BACH2: variants seen among roughly 807,000 people sequenced by gnomAD.
BACH2 encodes the protein BACH transcriptional regulator 2, also known as transcription regulator protein BACH2.
BACH2 carries 5 observed loss-of-function variants against 61.8 expected under a neutral mutation model. The observed-to-expected ratio is 0.08, with a 90% CI of 0.04 to 0.17. BACH2 has a LOEUF of 0.17. Ranked by LOEUF, BACH2 falls within the 10% of genes least tolerant of loss-of-function variation. The probability of loss-of-function intolerance (pLI) is 1.00; values close to 1 mark genes in which losing one functional copy is unlikely to be tolerated. For synonymous variants in BACH2, 446 were observed against 440.1 expected (o/e 1.01, Z -0.17); for missense variants, 824 against 1,091.1 (o/e 0.76, Z 3.45).
rs1283077547 is a variant in BACH2 at position 90,296,486 on chromosome 6, G to A, written c.-452C>T. 2 of 151,164 alleles carry A rather than the reference G, an allele frequency of 1.3e-5. No individual in the cohort carries two copies. Among genetic ancestry groups the A allele is most frequent in the East Asian group, 3.9e-4 (2 of 5,102 alleles). The allele number at this position is 151,164 out of a possible 1,614,324, so 9.4% of individuals were successfully genotyped here. On this transcript the variant is annotated 5_prime_UTR_variant, in exon 1 of 9. Coordinates refer to ENST00000257749, the MANE Select transcript of BACH2 (RefSeq NM_021813.4). ...CCCGGGGCCCGGGACTCACCTCGCC[G>A]GAGAACTTTGCGTCCTTTTCCGCCT...
intron 1 of BACH2, among the ~76,000 whole-genome samples, chr6:90,275,643 C>T (rs1771666970): frequency 6.6e-6 from 1 of 151,290 alleles, no homozygotes; most frequent in Non-Finnish European, 1.5e-5. Flanking sequence ...TTCTGCTCTT[C>T]CCCCTCCTCC....
At chr6:89,945,167 G>T (rs899343672) in intron 7 of BACH2, among the ~76,000 whole-genome samples, 1 of 152,124 alleles carries the variant, frequency 6.6e-6, no homozygotes, top group Non-Finnish European at 1.5e-5. Flanking sequence ...CCACTCCTAG[G>T]AATATTATGG....
At chr6:90,269,197 C>T (rs757307923) in intron 2 of BACH2, among the ~76,000 whole-genome samples, 1 of 151,934 alleles carries the variant, frequency 6.6e-6, no homozygotes, top group Non-Finnish European at 1.5e-5. Flanking sequence ...CTGACTACTC[C>T]GTGCAGATTC....
chr6:90,051,160 T>G (rs1243532392), intron 5 of BACH2, among the ~76,000 whole-genome samples: 2 of 152,220 alleles, frequency 1.3e-5, no homozygotes, highest in Non-Finnish European at 1.5e-5. Context: ...ATTTAGGTCT[T>G]GCATAAGTTC....
chr6:90,114,662 C>A (rs912763026), intron 4 of BACH2, among the ~76,000 whole-genome samples: 3 of 152,086 alleles, frequency 2.0e-5, no homozygotes, highest in African/African-American at 7.2e-5. Context: ...GAATTCCTAG[C>A]CAGCTCAATC....
intron 3 of BACH2, among the ~76,000 whole-genome samples, chr6:90,238,097 TTGTCCCTTAGCCAAATACATTCA>T (rs1168946633): frequency 6.6e-6 from 1 of 152,232 alleles, no homozygotes; most frequent in East Asian, 1.9e-4. Flanking sequence ...AACAATAGGC[TTGTCCCTTAGCCAAATACATTCA>T]TGTCTAAGAA....
At chr6:90,175,850 C>A (rs1767967140) in intron 4 of BACH2, among the ~76,000 whole-genome samples, 1 of 152,168 alleles carries the variant, frequency 6.6e-6, no homozygotes, top group Non-Finnish European at 1.5e-5. Flanking sequence ...CCTCCTCTAT[C>A]TGGCCCTCAG....
intron 1 of BACH2, among the ~76,000 whole-genome samples, chr6:90,294,339 T>C (rs1290059973): frequency 6.6e-6 from 1 of 152,222 alleles, no homozygotes; most frequent in East Asian, 1.9e-4. Context: ...AAAAATACTT[T>C]ATTCCATGGT....
intron 4 of BACH2, among the ~76,000 whole-genome samples, chr6:90,128,814 A>G (rs1203760385): frequency 6.6e-6 from 1 of 152,186 alleles, no homozygotes; most frequent in African/African-American, 2.4e-5. Flanking sequence ...AACCAACCCA[A>G]ATGTCCAACA....
At chr6:90,166,763 G>A (rs900263975) in intron 4 of BACH2, among the ~76,000 whole-genome samples, 19 of 152,106 alleles carry the variant, frequency 1.2e-4, no homozygotes, top group Non-Finnish European at 5.9e-5. Flanking sequence ...TAGGGACATG[G>A]ATGGAAGCTG....
In BACH2 at chr6:89,952,026, A is replaced by G. The variant is rs544553755; in HGVS notation, c.244-164T>C. The G allele has an allele frequency of 2.4e-4, 187 of 784,448 alleles. No homozygotes were observed. The South Asian group carries it at 3.3e-3, about 14-fold the overall frequency. The allele number at this position is 784,448 out of a possible 1,614,324, so 48.6% of individuals were successfully genotyped here. A position where few individuals can be genotyped will look rare whatever the true frequency, so the allele number is the denominator to read the frequency against. ...TGGGTCAGCAATGATTCTGCTTCCA[A>G]TAATTAGTGCCTGTCTCGTGCATGC... On this transcript the variant is annotated intron_variant, in intron 6 of 8. Transcript: ENST00000257749.
At chr6:90,285,401 T>C (rs1250197413) in intron 1 of BACH2, among the ~76,000 whole-genome samples, 1 of 152,148 alleles carries the variant, frequency 6.6e-6, no homozygotes, top group Non-Finnish European at 1.5e-5. Flanking sequence ...CAGGTTTCAG[T>C]TACGCCAAGA....
chr6:90,253,559 A>G (rs1460337428), intron 2 of BACH2, among the ~76,000 whole-genome samples: 1 of 152,170 alleles, frequency 6.6e-6, no homozygotes, highest in African/African-American at 2.4e-5. Flanking sequence ...TTACATGGGG[A>G]AAAGTGCTAT....
At chr6:90,116,969 A>G in intron 4 of BACH2, 1 of 371,096 alleles carries the variant, frequency 2.7e-6, no homozygotes, top group Non-Finnish European at 5.3e-6. Context: ...TGAAAATGAT[A>G]GACATGGGTT....
intron 6 of BACH2, among the ~76,000 whole-genome samples, chr6:89,961,917 T>C (rs1479141104): frequency 6.6e-6 from 1 of 152,216 alleles, no homozygotes; most frequent in Non-Finnish European, 1.5e-5. Flanking sequence ...TCTGAGCTTA[T>C]TTCCTCCCAG....
intron 4 of BACH2, among the ~76,000 whole-genome samples, chr6:90,132,109 G>T (rs1050417423): frequency 2.6e-5 from 4 of 152,198 alleles, no homozygotes; most frequent in African/African-American, 9.7e-5. Context: ...AGTAAAAATG[G>T]ATACAACAAT....
intron 2 of BACH2, among the ~76,000 whole-genome samples, chr6:90,269,322 A>C (rs1771447429): frequency 6.6e-6 from 1 of 152,174 alleles, no homozygotes; most frequent in Non-Finnish European, 1.5e-5. Flanking sequence ...TTGATACACC[A>C]AGTTACAGTT....
At chr6:90,102,378 G>C (rs765231707) in intron 4 of BACH2, among the ~76,000 whole-genome samples, 2 of 151,984 alleles carry the variant, frequency 1.3e-5, no homozygotes, top group African/African-American at 4.8e-5. Flanking sequence ...TGTTTAAAGG[G>C]GTATCATTCA....
intron 2 of BACH2, among the ~76,000 whole-genome samples, chr6:90,268,236 T>C (rs568222589): frequency 6.6e-6 from 1 of 152,216 alleles, no homozygotes; most frequent in South Asian, 2.1e-4. Flanking sequence ...AAACCCCTGA[T>C]CTCAAGTGAT....
Sources: gnomAD v4.1 joint callset for allele counts (sites outside exome capture counted in the v4.1 genomes callset) on GRCh38, gnomAD v4.1.1 for gene constraint, MANE v1.5 for transcripts, NCBI Gene and HGNC (gene_info 2026-07-23, HGNC 2026-07-21) for gene names.